IL12RB1: variants seen among roughly 807,000 people sequenced by gnomAD.
IL12RB1 encodes interleukin 12 receptor subunit beta 1.
IL12RB1 carries 64 observed loss-of-function variants against 94.4 expected under a neutral mutation model. The ratio of observed to expected loss-of-function variants is 0.68; its 90% CI spans 0.55 to 0.83. The LOEUF (loss-of-function observed/expected upper bound fraction) is 0.83, where lower values mean the gene tolerates loss of function less well. IL12RB1 is among the 40% of genes least tolerant of loss of function. The probability of loss-of-function intolerance (pLI) is 0.00; values close to 1 mark genes in which losing one functional copy is unlikely to be tolerated. For synonymous variants in IL12RB1, 362 were observed against 355.5 expected (o/e 1.02, Z -0.21); for missense variants, 814 against 855.6 (o/e 0.95, Z 0.61).
Position 18,061,104 on chromosome 19 carries a change from T to G in IL12RB1, c.1791+18A>C. 1 of 1,394,310 alleles carries G rather than the reference T, an allele frequency of 7.2e-7. No individual in the cohort carries two copies. The highest frequency in any genetic ancestry group is 1.0e-6 in the Non-Finnish European group (1 of 986,850). 86.4% of individuals were successfully genotyped at this position (1,394,310 alleles called of 1,614,324 possible). On this transcript the variant is annotated intron_variant, in intron 15 of 16. Transcript: ENST00000593993. ...TGCACCCAATAAAAAGACTTGGAAT[T>G]AGAAAAGGCATCCTTACCTCCTTCC...
intron 1 of IL12RB1, chr19:18,097,759 CG>C: frequency 4.2e-6 from 5 of 1,183,350 alleles, no homozygotes; most frequent in Non-Finnish European, 5.2e-6. Context: ...GGGGCGGGGC[CG>C]GGGGCGGGCC....
At chr19:18,087,361 C>A (rs908497279), upstream of IL12RB1, among the ~76,000 whole-genome samples, 5 of 151,942 alleles carry the variant, frequency 3.3e-5, no homozygotes, top group Admixed American at 6.6e-5. Flanking sequence ...AGGCAACTGC[C>A]ACAACATCGA....
intron 10 of IL12RB1, among the ~76,000 whole-genome samples, chr19:18,069,171 A>G (rs2034823480): frequency 6.6e-6 from 1 of 152,164 alleles, no homozygotes; most frequent in Non-Finnish European, 1.5e-5. Flanking sequence ...CGGGAGAGTG[A>G]GAGGCCACCT....
At chr19:18,070,696 T>C in intron 9 of IL12RB1, 1 of 196,386 alleles carries the variant, frequency 5.1e-6, no homozygotes, top group Non-Finnish European at 9.2e-6. Flanking sequence ...CCTAGCACTT[T>C]GGGAGGTGGA....
intron 1 of IL12RB1, among the ~76,000 whole-genome samples, chr19:18,096,800 G>C (rs965942844): frequency 6.7e-6 from 1 of 149,752 alleles, no homozygotes; most frequent in African/African-American, 2.5e-5. Flanking sequence ...CTGCATTCTA[G>C]TCTGGGCAAC....
At chr19:18,062,544 G>A (rs2034218487) in intron 13 of IL12RB1, among the ~76,000 whole-genome samples, 2 of 152,132 alleles carry the variant, frequency 1.3e-5, no homozygotes, top group African/African-American at 4.8e-5. Flanking sequence ...AGGCCAACGT[G>A]GGCTGATCAC....
chr19:18,062,303 A>G, intron 13 of IL12RB1, 26 bp from the exon 14 acceptor site: 1 of 1,452,216 alleles, frequency 6.9e-7, no homozygotes, highest in Non-Finnish European at 9.6e-7. Context: ...GTGGGTTGGC[A>G]GAGGGCTACC....
chr19:18,081,420 T>C (rs1177060011), intron 3 of IL12RB1, among the ~76,000 whole-genome samples: 8 of 151,448 alleles, frequency 5.3e-5, no homozygotes, highest in Admixed American at 6.6e-5. Flanking sequence ...CTGTCCCTTG[T>C]ACACCTCCTC....
chr19:18,075,929 C>A, intron 6 of IL12RB1, 61 bp from the exon 7 acceptor site: 1 of 1,559,236 alleles, frequency 6.4e-7, no homozygotes, highest in South Asian at 1.1e-5. Flanking sequence ...GCACCAGTCA[C>A]TTAACCATCA....
intron 7 of IL12RB1, among the ~76,000 whole-genome samples, chr19:18,074,805 A>C (rs1018776554): frequency 1.4e-4 from 21 of 152,056 alleles, no homozygotes; most frequent in Admixed American, 3.9e-4. Flanking sequence ...TAATCCCAGC[A>C]CTTTGGGAGG....
At chr19:18,081,851 GAT>G (rs2035926927) in intron 3 of IL12RB1, among the ~76,000 whole-genome samples, 1 of 22,590 alleles carries the variant, frequency 4.4e-5, no homozygotes, top group Non-Finnish European at 2.0e-4. Context: ...AGAAAAAATG[GAT>G]GGATGGATGG....
chr19:18,076,732 T>C (rs1052989010), intron 5 of IL12RB1, among the ~76,000 whole-genome samples: 13 of 151,994 alleles, frequency 8.6e-5, no homozygotes, highest in African/African-American at 3.1e-4. Flanking sequence ...AAGACCATAC[T>C]TCCAGGGATT....
At chr19:18,060,545 A>T (rs148622662) in intron 15 of IL12RB1, among the ~76,000 whole-genome samples, 274 of 151,828 alleles carry the variant, frequency 1.8e-3, no homozygotes, top group African/African-American at 6.1e-3. Context: ...TAGGAAGAGC[A>T]CTCCCATCTG....
chr19:18,061,426 C>T (rs1421975612), intron 14 of IL12RB1, among the ~76,000 whole-genome samples: 1 of 152,028 alleles, frequency 6.6e-6, no homozygotes, highest in Non-Finnish European at 1.5e-5. Flanking sequence ...AGAGAGGTTT[C>T]GCCATGTTGG....
Position 18,083,438 on chromosome 19 carries a change from C to G in IL12RB1, c.118G>C (p.Asp40His). The G allele has an allele frequency of 3.7e-6, 6 of 1,614,114 alleles. No individual in the cohort carries two copies. The highest frequency in any genetic ancestry group is 2.5e-6 in the Non-Finnish European group (3 of 1,179,996). The change falls in exon 2 of 17, where the codon GAC (aspartate) becomes CAC (histidine). Residue 40 changes from aspartate (D) to histidine (H), a missense_variant. By Grantham distance (81) the Asp-to-His change is moderately conservative (BLOSUM62 -1). Transcript: ENST00000593993. ...ATGAGGAACTGCCCCGAACCTGAGT[C>G]TGCATCCGGATATGGCGGGTCCTGA... ...CFQDPPYPDA[D>H]SGSASGPRDL...
At position 18,072,309 on chromosome 19, in the gene IL12RB1, G is replaced by A. The variant is rs201831465; in HGVS notation, c.824C>T (p.Ala275Val). ...LELPEGCQGL[A>V]PGTEVTYRLQ... ...TCGGTAAGTGACCTCCGTGCCAGGC[G>A]CCAGCCCTTGACAGCCTTCTGGAAG... The change falls in exon 9 of 17, where the codon GCG (alanine) becomes GTG (valine). Residue 275 changes from alanine to valine, a missense_variant. Transcript: ENST00000593993. 2.0e-4 allele frequency: 326 copies of A among 1,613,840 alleles called. No homozygotes were observed. Among genetic ancestry groups the A allele is most frequent in the Admixed American group, 4.8e-4 (29 of 59,956 alleles).
intron 8 of IL12RB1, 31 bp from the exon 9 acceptor site, chr19:18,072,380 T>C (rs200909582): frequency 2.9e-4 from 402 of 1,408,276 alleles, no homozygotes; most frequent in Middle Eastern, 2.3e-3. Context: ...AGCTTGTGGG[T>C]ACCTGATCAC....
At chr19:18,065,282 C>T (rs2034495561) in intron 12 of IL12RB1, among the ~76,000 whole-genome samples, 2 of 152,150 alleles carry the variant, frequency 1.3e-5, no homozygotes, top group South Asian at 4.1e-4. Context: ...CCTTAGTTTC[C>T]TCATCTGTGG....
intron 15 of IL12RB1, among the ~76,000 whole-genome samples, 169 bp downstream of exon 15, chr19:18,060,953 A>G (rs141981703): frequency 8.5e-5 from 13 of 152,298 alleles, no homozygotes; most frequent in African/African-American, 2.9e-4. Context: ...TTCTAGTGCC[A>G]GGAAATGGAC....
Sources: gnomAD v4.1 joint callset for allele counts (sites outside exome capture counted in the v4.1 genomes callset) on GRCh38, gnomAD v4.1.1 for gene constraint, MANE v1.5 for transcripts, NCBI Gene and HGNC (gene_info 2026-07-23, HGNC 2026-07-21) for gene names.